CFAP221: variants seen among roughly 807,000 people sequenced by gnomAD.
CFAP221 encodes the protein cilia and flagella associated protein 221, also known as cilia- and flagella-associated protein 221.
Under a neutral mutation model 113.1 loss-of-function variants are expected in CFAP221, and 97 were observed. The ratio of observed to expected loss-of-function variants is 0.86; its 90% CI spans 0.73 to 1.02. The LOEUF is 1.02. Among genes scored for constraint, CFAP221 ranks in the 50% least tolerant of loss-of-function variants. The pLI, the probability that CFAP221 is intolerant of heterozygous loss-of-function variation, is 0.00. For synonymous variants in CFAP221, 331 were observed against 354.4 expected (o/e 0.93, Z 0.74); for missense variants, 1,025 against 1,013.4 (o/e 1.01, Z -0.16).
At chr2:119,618,868 G>A (rs980222815) in intron 14 of CFAP221, among the ~76,000 whole-genome samples, 2 of 152,180 alleles carry the variant, frequency 1.3e-5, no homozygotes, top group African/African-American at 2.4e-5. Flanking sequence ...ACAGCAGTCT[G>A]AAGTCCACCT....
chr2:119,572,624 A>T (rs1201292812), intron 6 of CFAP221: 1 of 692,884 alleles, frequency 1.4e-6, no homozygotes, highest in Admixed American at 2.0e-5. Flanking sequence ...TCTCCCATCA[A>T]CTCATTTTCC....
Position 119,562,088 on chromosome 2 carries a change from T to C in CFAP221, c.501T>C (p.Asn167=), listed in dbSNP as rs1047229776. The change falls in exon 6 of 24, where the codon AAT becomes AAC. Residue 167 remains asparagine (N), a synonymous_variant. Transcript: ENST00000413369. Reference sequence around the variant, plus strand: ...CACTAGACTTTCCTTCATTTATAAATCTGTCAAATGTTCTACTTGGTGAAA... The same window carrying C: ...CACTAGACTTTCCTTCATTTATAAACCTGTCAAATGTTCTACTTGGTGAAA... ...MNSLDFPSFI[N]LSNVLLGESK... 63 of 1,534,588 alleles carry C rather than the reference T, an allele frequency of 4.1e-5. No homozygotes were observed. The highest frequency in any genetic ancestry group is 2.6e-4 in the Admixed American group (13 of 50,832).
At chr2:119,578,837 A>G (rs1682641288) in intron 6 of CFAP221, among the ~76,000 whole-genome samples, 3 of 152,166 alleles carry the variant, frequency 2.0e-5, no homozygotes, top group Admixed American at 2.0e-4. Context: ...GATATCGGGA[A>G]TTTTTAGTTA....
intron 14 of CFAP221, among the ~76,000 whole-genome samples, chr2:119,620,682 A>G (rs1263641418): frequency 6.6e-6 from 1 of 152,184 alleles, no homozygotes; most frequent in African/African-American, 2.4e-5. Flanking sequence ...AAACTGCATC[A>G]ATTAATGGGC....
Position 119,605,264 on chromosome 2 carries a change from G to C in CFAP221, c.1108G>C (p.Glu370Gln), listed in dbSNP as rs756457015. 11 of 1,613,768 alleles carry C rather than the reference G, an allele frequency of 6.8e-6. No individual in the cohort carries two copies. The highest frequency in any genetic ancestry group is 9.3e-6 in the Non-Finnish European group (11 of 1,179,626). The change falls in exon 11 of 24, where the codon GAA becomes CAA. Residue 370 changes from glutamate (E) to glutamine (Q), a missense_variant. Physicochemically the swap from Glu to Gln is conservative, Grantham distance 29 (BLOSUM62 2). Coordinates refer to ENST00000413369, the MANE Select transcript of CFAP221 (RefSeq NM_001271049.2). ...FEQKVRQDIH[E>Q]EMENHLKWQV... ...ACAGAAAGTCAGACAGGACATTCAC[G>C]AAGAGATGGAAAATCATCTTAAGTG...
At position 119,638,386 on chromosome 2, in the gene CFAP221, C is replaced by T; in HGVS notation, c.2102C>T (p.Pro701Leu). ...TKESRHGSSI[P>L]VTQKQFLHHT... ...GAGTCCCGCCACGGGTCCAGCATTC[C>T]TGTCACCCAAAAGCAGTTTCTCCAT... Residue 701 changes from proline (P) to leucine (L), a missense_variant, in exon 20 of 24, where the codon CCT (proline) becomes CTT (leucine). Physicochemically the swap from Pro to Leu is moderately conservative, Grantham distance 98 (BLOSUM62 -3). Coordinates refer to ENST00000413369, the MANE Select transcript of CFAP221 (RefSeq NM_001271049.2). 1 of 1,614,184 alleles carries T rather than the reference C, an allele frequency of 6.2e-7. No homozygotes were observed. The highest frequency in any genetic ancestry group is 1.6e-4 in the Middle Eastern group (1 of 6,062).
In CFAP221 at chr2:119,625,717, G is replaced by A. The variant is rs182093842; in HGVS notation, c.1516+29G>A. 587 of 1,544,588 alleles carry A rather than the reference G, an allele frequency of 3.8e-4. 11 individuals carry two copies. In the East Asian group the frequency reaches 0.011, roughly 28 times the overall value. ...AAGTATGGCTGCAAAGCACAGAGAT[G>A]CCGAGACTGATCATGCCTCTGAGCG... On this transcript the variant is annotated intron_variant, in intron 15 of 23. Transcript: ENST00000413369.
intron 2 of CFAP221, among the ~76,000 whole-genome samples, chr2:119,546,516 C>T (rs1344495359): frequency 6.6e-6 from 1 of 152,148 alleles, no homozygotes; most frequent in Non-Finnish European, 1.5e-5. Context: ...CCTATCTGCT[C>T]CCCTTATCTT....
intron 14 of CFAP221, among the ~76,000 whole-genome samples, chr2:119,618,627 A>G (rs1444589939): frequency 6.6e-6 from 1 of 152,178 alleles, no homozygotes; most frequent in African/African-American, 2.4e-5. Context: ...CTACACCACC[A>G]GAGCTCTAGG....
At chr2:119,553,247 G>A (rs1041111813) in intron 3 of CFAP221, among the ~76,000 whole-genome samples, 1 of 152,176 alleles carries the variant, frequency 6.6e-6, no homozygotes, top group Non-Finnish European at 1.5e-5. Context: ...CAAGTAGGAA[G>A]TGGGGAGAAG....
intron 11 of CFAP221, among the ~76,000 whole-genome samples, chr2:119,607,878 A>G (rs1046668577): frequency 7.9e-5 from 12 of 152,358 alleles, no homozygotes; most frequent in Non-Finnish European, 1.6e-4. Context: ...CATTGAATGG[A>G]TATGCAACAT....
chr2:119,629,967 C>G lies in CFAP221; in HGVS notation c.1731+12C>G. 1 of 1,577,338 alleles carries G rather than the reference C, an allele frequency of 6.3e-7. No homozygotes were observed. Among genetic ancestry groups the G allele is most frequent in the Non-Finnish European group, 8.7e-7 (1 of 1,154,136 alleles). On this transcript the variant is annotated intron_variant, in intron 17 of 23. Coordinates refer to ENST00000413369, the MANE Select transcript of CFAP221 (RefSeq NM_001271049.2). ...TCTTCAATCTGCAGGTCAGACCTGT[C>G]ACATAAATTAATTAATTGAGTTTCT...
intron 11 of CFAP221, 102 bp from the exon 12 acceptor site, chr2:119,608,400 A>T: frequency 1.2e-6 from 1 of 811,954 alleles, no homozygotes; most frequent in South Asian, 2.1e-5. Context: ...CCAGCATCTC[A>T]GGGTTCCTTT....
chr2:119,652,659 A>G (rs1208709409), intron 23 of CFAP221, among the ~76,000 whole-genome samples: 9 of 152,246 alleles, frequency 5.9e-5, no homozygotes, highest in Admixed American at 5.9e-4. Flanking sequence ...TCAAAAACAC[A>G]GTAATAAACA....
At chr2:119,593,549 A>G (rs920213151) in intron 7 of CFAP221, among the ~76,000 whole-genome samples, 10 of 152,116 alleles carry the variant, frequency 6.6e-5, no homozygotes, top group African/African-American at 2.2e-4. Context: ...TTTAAACACC[A>G]GCTCTCTTGG....
At chr2:119,597,411 C>T (rs116675397) in intron 7 of CFAP221, among the ~76,000 whole-genome samples, 2 of 152,224 alleles carry the variant, frequency 1.3e-5, no homozygotes, top group African/African-American at 2.4e-5. Context: ...TCCAGTGAAT[C>T]GAAAGCATTG....
intron 3 of CFAP221, chr2:119,557,359 C>T (rs1031050457): frequency 1.3e-5 from 2 of 152,274 alleles, no homozygotes; most frequent in African/African-American, 4.8e-5. Context: ...TGTAATCTCA[C>T]GAAGTCCCAG....
downstream of CFAP221, among the ~76,000 whole-genome samples, chr2:119,659,773 G>C (rs1365510019): frequency 6.6e-6 from 1 of 152,154 alleles, no homozygotes; most frequent in Non-Finnish European, 1.5e-5. Flanking sequence ...CCACCTTCTT[G>C]CTTAGTGTCC....
chr2:119,623,673 T>C (rs997308217), intron 14 of CFAP221, among the ~76,000 whole-genome samples: 4 of 152,034 alleles, frequency 2.6e-5, no homozygotes, highest in African/African-American at 9.7e-5. Flanking sequence ...AACACATATA[T>C]AAACCAATGG....
Sources: gnomAD v4.1 joint callset for allele counts (sites outside exome capture counted in the v4.1 genomes callset) on GRCh38, gnomAD v4.1.1 for gene constraint, MANE v1.5 for transcripts, NCBI Gene and HGNC (gene_info 2026-07-23, HGNC 2026-07-21) for gene names.